Variants in LATS1 observed in about 807,000 individuals in gnomAD.
LATS1 encodes the protein large tumor suppressor kinase 1.
Under a neutral mutation model 106.6 loss-of-function variants are expected in LATS1, and 25 were observed. The observed-to-expected ratio is 0.23, with a 90% CI of 0.17 to 0.33. The LOEUF (loss-of-function observed/expected upper bound fraction) is 0.33, where lower values mean the gene tolerates loss of function less well. Ranked by LOEUF, LATS1 falls within the 10% of genes least tolerant of loss-of-function variation. The pLI, the probability that LATS1 is intolerant of heterozygous loss-of-function variation, is 1.00. For synonymous variants in LATS1, 465 were observed against 455.6 expected (o/e 1.02, Z -0.26); for missense variants, 1,040 against 1,382.6 (o/e 0.75, Z 3.93).
chr6:149,679,545 C>A (rs1274714806), intron 5 of LATS1, among the ~76,000 whole-genome samples: 2 of 141,354 alleles, frequency 1.4e-5, no homozygotes, highest in South Asian at 2.2e-4. Flanking sequence ...GAGCGAGACT[C>A]CATCAAAAAA....
At chr6:149,664,641 T>C (rs1302985138) in intron 7 of LATS1, among the ~76,000 whole-genome samples, 2 of 152,172 alleles carry the variant, frequency 1.3e-5, no homozygotes, top group African/African-American at 2.4e-5. Context: ...TACTTCAAGA[T>C]CCTGAAAAGT....
intron 3 of LATS1, among the ~76,000 whole-genome samples, chr6:149,693,473 G>A (rs1039023590): frequency 2.6e-5 from 4 of 151,686 alleles, no homozygotes; most frequent in Middle Eastern, 3.4e-3. Context: ...AGCTGGGCAC[G>A]GTGGCAGGTG....
chr6:149,687,968 G>A (rs1038743955), intron 3 of LATS1, among the ~76,000 whole-genome samples: 2 of 149,428 alleles, frequency 1.3e-5, no homozygotes, highest in African/African-American at 2.5e-5. Flanking sequence ...TCCGCCTCCC[G>A]GGTTCACGCC....
At chr6:149,704,730 C>T (rs1309244591) in intron 1 of LATS1, among the ~76,000 whole-genome samples, 2 of 151,730 alleles carry the variant, frequency 1.3e-5, no homozygotes, top group African/African-American at 2.4e-5. Context: ...CTCAGGTAAG[C>T]CTCCTGCCTC....
In LATS1 at chr6:149,701,993, G is replaced by T; in HGVS notation, c.134C>A (p.Ser45Tyr). Residue 45 changes from serine (S) to tyrosine (Y), a missense_variant, in exon 2 of 8, where the codon TCT (serine) becomes TAT (tyrosine). This residue lies in a region of LATS1 where 624 missense variants were observed against 714.8 expected (regional missense o/e 0.87). Transcript: ENST00000543571. ...RESLRNLSKP[S>Y]DAAKAEHNMS... ...GTTATGCTCAGCCTTAGCAGCATCA[G>T]ATGGTTTAGATAAATTCCTAAGGGA... 6.2e-7 allele frequency: 1 copy of T among 1,614,150 alleles called. No homozygotes were observed. Among genetic ancestry groups the T allele is most frequent in the Non-Finnish European group, 8.5e-7 (1 of 1,179,994 alleles).
chr6:149,679,663 T>C (rs1412745139), intron 5 of LATS1, among the ~76,000 whole-genome samples: 3 of 152,194 alleles, frequency 2.0e-5, no homozygotes, highest in South Asian at 2.1e-4. Context: ...GCACATTCTT[T>C]CATTTCATAA....
At chr6:149,680,575 AG>A (rs1781980811) in intron 4 of LATS1, 118 bp from the exon 5 acceptor site, 1 of 700,008 alleles carries the variant, frequency 1.4e-6, no homozygotes, top group Non-Finnish European at 2.4e-6. Flanking sequence ...TTTTTAATAA[AG>A]CATGTTAGAA....
chr6:149,676,113 A>G (rs1002892047), intron 7 of LATS1, 147 bp downstream of exon 7: 6 of 607,702 alleles, frequency 9.9e-6, no homozygotes, highest in African/African-American at 9.3e-5. Flanking sequence ...CAGCCTCCCA[A>G]AGAACTGGCA....
chr6:149,713,267 C>T (rs145927993), intron 1 of LATS1, among the ~76,000 whole-genome samples: 361 of 152,010 alleles, frequency 2.4e-3, no homozygotes, highest in African/African-American at 8.4e-3. Context: ...ACATAAAAGT[C>T]GAAATCTCTG....
rs1342174778 is a variant in LATS1, at chr6:149,683,609, T to C, written c.1480A>G (p.Ile494Val). The C allele has an allele frequency of 9.9e-6, 16 of 1,614,100 alleles. No individual in the cohort carries two copies. In the Admixed American group the frequency reaches 1.8e-4, roughly 18 times the overall value. ...TTVTAITPAP[I>V]QQPVKSMRVL... The stretch of plus-strand genomic sequence containing the variant: ...CGCATACTTTTCACAGGCTGTTGAA[T>C]AGGAGCTGGTGTAATTGCAGTGACT... The change falls in exon 4 of 8, where the codon ATT (isoleucine) becomes GTT (valine). Residue 494 changes from isoleucine to valine, a missense_variant. Physicochemically the swap from Ile to Val is conservative, Grantham distance 29. Transcript: ENST00000543571.
chr6:149,711,251 A>T (rs571421407), intron 1 of LATS1, among the ~76,000 whole-genome samples: 70 of 151,314 alleles, frequency 4.6e-4, no homozygotes, highest in African/African-American at 1.5e-3. Context: ...AAAAAAAAAA[A>T]AAATATCTTT....
At chr6:149,706,205 A>G in intron 1 of LATS1, among the ~76,000 whole-genome samples, 1 of 144,258 alleles carries the variant, frequency 6.9e-6, no homozygotes, top group African/African-American at 2.5e-5. Flanking sequence ...AAAAAAAAAA[A>G]AAAAAAAAAA....
At chr6:149,677,983 G>A (rs570310097) in intron 5 of LATS1, among the ~76,000 whole-genome samples, 20 of 149,018 alleles carry the variant, frequency 1.3e-4, no homozygotes, top group Non-Finnish European at 2.5e-4. Context: ...TCGCGCCACT[G>A]CACTCCAGCC....
rs1200168979 is a variant in LATS1 at position 149,684,523 on chromosome 6, C to T, written c.566G>A (p.Arg189Lys). Residue 189 changes from arginine (R) to lysine (K), a missense_variant, in exon 4 of 8, where the codon AGG (arginine) becomes AAG (lysine). Arg to Lys is a conservative substitution (Grantham distance 26). Around this residue, in one of 7 missense-constraint regions of LATS1, gnomAD observed 624 missense variants for 714.8 expected, o/e 0.87. Transcript: ENST00000543571. ...ACTTTCTCCTAGTGGCGGGCCATGCCTCTGAGGAACTAAGGATTCTTTAGA... is the reference window on the plus strand; with the variant it reads ...ACTTTCTCCTAGTGGCGGGCCATGCTTCTGAGGAACTAAGGATTCTTTAGA... ...KGSKESLVPQRHGPPLGESVA... is the reference protein window; with the variant it reads ...KGSKESLVPQKHGPPLGESVA... The T allele has an allele frequency of 3.1e-6, 5 of 1,613,866 alleles. No homozygotes were observed. The highest frequency in any genetic ancestry group is 3.4e-6 in the Non-Finnish European group (4 of 1,179,914).
At chr6:149,699,482 AAAAAT>A (rs1323202838) in intron 2 of LATS1, among the ~76,000 whole-genome samples, 3 of 152,100 alleles carry the variant, frequency 2.0e-5, no homozygotes, top group Non-Finnish European at 4.4e-5. Context: ...AATAAAAAAA[AAAAAT>A]AAAATAAATA....
intron 3 of LATS1, among the ~76,000 whole-genome samples, chr6:149,686,344 CTT>C (rs890521363): frequency 5.9e-5 from 9 of 152,206 alleles, no homozygotes; most frequent in African/African-American, 1.9e-4. Flanking sequence ...CTCTTTCTCA[CTT>C]TCCTCAGAGG....
chr6:149,688,703 G>C (rs756057623), intron 3 of LATS1, among the ~76,000 whole-genome samples: 9 of 152,180 alleles, frequency 5.9e-5, no homozygotes, highest in Non-Finnish European at 8.8e-5. Context: ...CGTGGCCCAT[G>C]AACCTACATT....
At chr6:149,679,717 T>C (rs1013547511) in intron 5 of LATS1, among the ~76,000 whole-genome samples, 158 bp downstream of exon 5, 1 of 152,200 alleles carries the variant, frequency 6.6e-6, no homozygotes, top group African/African-American at 2.4e-5. Flanking sequence ...TTCATAAGTC[T>C]AAGTGCCTAA....
intron 2 of LATS1, among the ~76,000 whole-genome samples, chr6:149,700,428 G>A (rs1430596870): frequency 6.6e-6 from 1 of 152,092 alleles, no homozygotes; most frequent in South Asian, 2.1e-4. Flanking sequence ...AGCTGAGATC[G>A]CACCACTGCA....
Sources: allele counts gnomAD v4.1 joint callset (sites outside exome capture counted in the v4.1 genomes callset), GRCh38; gene constraint gnomAD v4.1.1; regional missense constraint gnomAD v4.1.1; transcripts MANE v1.5; gene names NCBI Gene and HGNC (gene_info 2026-07-23, HGNC 2026-07-21).